Variants in TENM4 observed in about 807,000 individuals in gnomAD.
TENM4 encodes the protein teneurin transmembrane protein 4.
TENM4 carries 82 observed loss-of-function variants against 243.3 expected under a neutral mutation model. The observed-to-expected ratio is 0.34, with a 90% CI of 0.28 to 0.40. The LOEUF is 0.40. Ranked by LOEUF, TENM4 falls within the 10% of genes least tolerant of loss-of-function variation. TENM4 has a pLI of 1.00. For missense variants in TENM4, 3,138 were observed against 3,673.3 expected (o/e 0.85, Z 3.77); for synonymous variants, 1,412 against 1,456.3 (o/e 0.97, Z 0.69).
intron 3 of TENM4, among the ~76,000 whole-genome samples, chr11:79,173,226 A>G (rs1863085785): frequency 6.6e-6 from 1 of 152,174 alleles, no homozygotes; most frequent in African/African-American, 2.4e-5. Flanking sequence ...CACTTATGTC[A>G]CCGTTGGAAG....
chr11:79,287,159 C>T (rs528004486), intron 2 of TENM4, among the ~76,000 whole-genome samples: 5 of 152,300 alleles, frequency 3.3e-5, no homozygotes, highest in South Asian at 2.1e-4. Context: ...ACTTTATAAA[C>T]GAGAAGACTA....
chr11:79,388,885 A>C (rs565434), intron 1 of TENM4, among the ~76,000 whole-genome samples: 92,435 of 151,980 alleles, frequency 0.61, 28,123 homozygotes, highest in Non-Finnish European at 0.63. Flanking sequence ...TAATGGAGGA[A>C]AACTGGGATG....
intron 19 of TENM4, among the ~76,000 whole-genome samples, chr11:78,754,440 A>T (rs1856258668): frequency 6.6e-6 from 1 of 152,168 alleles, no homozygotes; most frequent in African/African-American, 2.4e-5. Flanking sequence ...CATACAGGAG[A>T]CGTGTCCCTG....
chr11:78,967,821 A>G (rs758977018), intron 6 of TENM4, among the ~76,000 whole-genome samples: 7 of 152,226 alleles, frequency 4.6e-5, no homozygotes, highest in Non-Finnish European at 1.0e-4. Context: ...AGGACCAGTG[A>G]AGGTGGAGGG....
At chr11:79,351,637 C>T (rs1260704436) in intron 1 of TENM4, among the ~76,000 whole-genome samples, 21 of 152,056 alleles carry the variant, frequency 1.4e-4, no homozygotes, top group Non-Finnish European at 1.5e-5. Flanking sequence ...ACCCAGGAGG[C>T]GAAGGTTGCA....
chr11:79,414,153 T>C (rs1002776273), intron 1 of TENM4, among the ~76,000 whole-genome samples: 63 of 71,082 alleles, frequency 8.9e-4, no homozygotes, highest in Middle Eastern at 7.7e-3. Flanking sequence ...TATACACACA[T>C]GTGTACACAC....
chr11:79,156,094 C>G (rs889112775), intron 3 of TENM4, among the ~76,000 whole-genome samples: 2 of 152,178 alleles, frequency 1.3e-5, no homozygotes, highest in African/African-American at 4.8e-5. Context: ...CCTCTCCCAG[C>G]AGAAGTGAAG....
At chr11:79,103,148 C>G (rs1262355093) in intron 4 of TENM4, among the ~76,000 whole-genome samples, 1 of 152,136 alleles carries the variant, frequency 6.6e-6, no homozygotes, top group East Asian at 1.9e-4. Context: ...CCCTTTCTGC[C>G]TTGTCTGCCT....
chr11:79,039,601 G>C (rs1859468251), intron 6 of TENM4, among the ~76,000 whole-genome samples: 1 of 152,206 alleles, frequency 6.6e-6, no homozygotes, highest in African/African-American at 2.4e-5. Context: ...GAACCCCTCA[G>C]AGGGAGAGGT....
intron 2 of TENM4, among the ~76,000 whole-genome samples, chr11:79,246,131 G>A (rs1328442033): frequency 6.6e-6 from 1 of 151,996 alleles, no homozygotes; most frequent in Non-Finnish European, 1.5e-5. Flanking sequence ...GGGGCCAGAA[G>A]CATGGCCTAC....
chr11:78,692,543 C>A (rs146860262), intron 28 of TENM4, among the ~76,000 whole-genome samples: 1 of 152,232 alleles, frequency 6.6e-6, no homozygotes, highest in Non-Finnish European at 1.5e-5. Context: ...CAGGAGATTG[C>A]CCTCAGTGGA....
chr11:78,842,063 T>C (rs749079055), intron 12 of TENM4, among the ~76,000 whole-genome samples: 3 of 152,174 alleles, frequency 2.0e-5, no homozygotes, highest in South Asian at 2.1e-4. Flanking sequence ...CCCACACTCA[T>C]GCTGTCCACC....
At chr11:79,201,502 C>CA (rs11418108) in intron 3 of TENM4, among the ~76,000 whole-genome samples, 107,065 of 145,526 alleles carry the variant, frequency 0.74, 39,674 homozygotes, top group East Asian at 0.95. Context: ...AATAACCAGG[C>CA]AAAAAAAAAA....
chr11:78,819,080 G>A (rs141191981), intron 12 of TENM4, among the ~76,000 whole-genome samples: 19 of 152,164 alleles, frequency 1.2e-4, no homozygotes, highest in Admixed American at 9.2e-4. Context: ...GAGTGGGAGT[G>A]TTCTCTGGAT....
At chr11:79,087,430 C>T (rs114481909) in intron 4 of TENM4, among the ~76,000 whole-genome samples, 458 of 152,306 alleles carry the variant, frequency 3.0e-3, no homozygotes, top group African/African-American at 0.011. Flanking sequence ...CCAAGCTCCC[C>T]GCTGGAGCAG....
At chr11:78,792,164 C>T (rs1565380815) in intron 15 of TENM4, among the ~76,000 whole-genome samples, 1 of 152,098 alleles carries the variant, frequency 6.6e-6, no homozygotes, top group Admixed American at 6.5e-5. Context: ...TTGATGAGGA[C>T]CTAAGATGAT....
chr11:78,879,945 A>G (rs1053322517), intron 9 of TENM4, among the ~76,000 whole-genome samples: 2 of 152,144 alleles, frequency 1.3e-5, no homozygotes, highest in African/African-American at 2.4e-5. Flanking sequence ...GGTGTACCCA[A>G]CAGCTCCAAA....
chr11:78,721,939 G>C (rs1309847075), intron 24 of TENM4, among the ~76,000 whole-genome samples: 1 of 152,196 alleles, frequency 6.6e-6, no homozygotes, highest in Non-Finnish European at 1.5e-5. Flanking sequence ...GGGAGGCATA[G>C]AGAAAAATCC....
intron 1 of TENM4, among the ~76,000 whole-genome samples, chr11:79,313,014 C>T (rs1279528739): frequency 3.3e-5 from 5 of 152,164 alleles, no homozygotes; most frequent in African/African-American, 4.8e-5. Flanking sequence ...GAAACCCCAT[C>T]CCTAGTCACT....
Sources: allele counts gnomAD v4.1 joint callset (sites outside exome capture counted in the v4.1 genomes callset), GRCh38; gene constraint gnomAD v4.1.1; transcripts MANE v1.5; gene names NCBI Gene and HGNC (gene_info 2026-07-23, HGNC 2026-07-21).